Variants in TMC4 observed in about 807,000 individuals in gnomAD.
TMC4 encodes the protein transmembrane channel like 4, also known as voltage-gated chloride channel TMC4.
Under a neutral mutation model 82.0 loss-of-function variants are expected in TMC4, and 70 were observed. The observed-to-expected ratio is 0.85, with a 90% CI of 0.70 to 1.04. The LOEUF (loss-of-function observed/expected upper bound fraction) is 1.04. Among genes scored for constraint, TMC4 ranks in the 50% least tolerant of loss-of-function variants. The pLI is 0.00. For synonymous variants in TMC4, 446 were observed against 406.0 expected (o/e 1.10, Z -1.18); for missense variants, 879 against 899.0 (o/e 0.98, Z 0.28).
intron 11 of TMC4, 67 bp downstream of exon 11, chr19:54,162,035 C>T: frequency 7.0e-7 from 1 of 1,423,120 alleles, no homozygotes; most frequent in South Asian, 1.3e-5. Context: ...TCTTCCTTGC[C>T]CTTGACCCAG....
At chr19:54,169,430 A>C in intron 3 of TMC4, 82 bp downstream of exon 3, 1 of 1,483,858 alleles carries the variant, frequency 6.7e-7, no homozygotes. Flanking sequence ...CCTCAAACCC[A>C]GGAGTCCGTC....
chr19:54,168,417 C>CG (rs758113699), intron 4 of TMC4, 31 bp downstream of exon 4: 18 of 1,523,082 alleles, frequency 1.2e-5, no homozygotes, highest in Non-Finnish European at 1.6e-5. Flanking sequence ...CACAGGTGGG[C>CG]GGGGAATCCC....
In TMC4 at chr19:54,169,598, G is replaced by A. The variant is rs976440874; in HGVS notation, c.356C>T (p.Ala119Val). 5.0e-6 allele frequency: 8 copies of A among 1,613,930 alleles called. No individual in the cohort carries two copies. In the East Asian group the frequency reaches 1.3e-4, roughly 27 times the overall value. Residue 119 changes from alanine to valine, a missense_variant, in exon 3 of 15, where the codon GCG becomes GTG. Coordinates refer to ENST00000619895, the MANE Select transcript of TMC4 (RefSeq NM_144686.4). Reference sequence around the variant, plus strand: ...CTCCTTGGACCTCCGAAGTAGCCGCGCCCATCGGTCCGTCTTAGTTCCAGA... The same window carrying A: ...CTCCTTGGACCTCCGAAGTAGCCGCACCCATCGGTCCGTCTTAGTTCCAGA... ...YGSGTKTDRWARLLRRSKEKT... is the reference protein window; with the variant it reads ...YGSGTKTDRWVRLLRRSKEKT...
At chr19:54,171,440 T>C (rs1198164282) in intron 2 of TMC4, among the ~76,000 whole-genome samples, 3 of 152,182 alleles carry the variant, frequency 2.0e-5, no homozygotes, top group Admixed American at 6.6e-5. Context: ...GCACCTGCAT[T>C]TTCATTGTTC....
chr19:54,170,074 C>G (rs2146920912), intron 2 of TMC4, among the ~76,000 whole-genome samples: 1 of 152,136 alleles, frequency 6.6e-6, no homozygotes. Flanking sequence ...GCATTCCAGC[C>G]TGGGTGACGG....
At chr19:54,169,684 T>C in intron 2 of TMC4, 24 bp from the exon 3 acceptor site, 2 of 1,611,176 alleles carry the variant, frequency 1.2e-6, no homozygotes, top group Non-Finnish European at 1.7e-6. Flanking sequence ...AGGCAGAAAA[T>C]GAGGGGTTTC....
Position 54,168,610 on chromosome 19 carries a change from G to A in TMC4, c.513C>T (p.Ala171=), listed in dbSNP as rs778713981. 1.5e-5 allele frequency: 24 copies of A among 1,596,350 alleles called. No individual in the cohort carries two copies. The African/African-American group carries it at 2.0e-4, about 13-fold the overall frequency. ...LRFLLLLNVL[A]SVLMACMTLL... The stretch of plus-strand genomic sequence containing the variant: ...GCGTCATGCAGGCCATGAGCACAGA[G>A]GCCAGCACGTTAAGAAGGAGCAGGA... Residue 171 remains alanine, a synonymous_variant, in exon 4 of 15, where the codon GCC becomes GCT. Transcript: ENST00000619895.
chr19:54,171,749 G>A, intron 2 of TMC4, 121 bp downstream of exon 2: 1 of 861,054 alleles, frequency 1.2e-6, no homozygotes, highest in Non-Finnish European at 1.7e-6. Context: ...GCTCTGAGCG[G>A]GGCAGAGAGA....
intron 9 of TMC4, 80 bp downstream of exon 9, chr19:54,162,953 A>G (rs1475786688): frequency 6.2e-7 from 1 of 1,606,752 alleles, no homozygotes; most frequent in Non-Finnish European, 8.5e-7. Flanking sequence ...CTCTCCGCCC[A>G]AACCAAGAGT....
Position 54,162,174 on chromosome 19 carries a change from C to G in TMC4, c.1614G>C (p.Val538=). The G allele has an allele frequency of 1.2e-6, 2 of 1,613,754 alleles. No homozygotes were observed. The highest frequency in any genetic ancestry group is 2.2e-5 in the East Asian group (1 of 44,858). Residue 538 remains valine, a synonymous_variant, in exon 11 of 15, where the codon GTG becomes GTC. Transcript: ENST00000619895. ...GLIYAQTVVW[V]GSFFCPLLPL... ...GCAGTAAAGGGCAGAAAAAACTCCC[C>G]ACCCAGACCACCGTCTGCGCGTAGA...
rs1555824614 is a variant in TMC4 at position 54,168,779 on chromosome 19, C to CT, written c.443-100dup. 5.6e-4 allele frequency: 194 copies of CT among 343,840 alleles called. 28 individuals carry two copies. Among genetic ancestry groups the CT allele is most frequent in the Middle Eastern group, 5.4e-3 (8 of 1,480 alleles). 21.3% of individuals were successfully genotyped at this position (343,840 alleles called of 1,614,324 possible). ...GGTCCAGCCGCGCCTTCCTTTCTTTCTTTCTTTTCTTTTCTTTCTTTTCTT... is the reference window on the plus strand; with the variant it reads ...GGTCCAGCCGCGCCTTCCTTTCTTTCTTTTCTTTTCTTTTCTTTCTTTTCTT... On this transcript the variant is annotated intron_variant, in intron 3 of 14. Coordinates refer to ENST00000619895, the MANE Select transcript of TMC4 (RefSeq NM_144686.4).
chr19:54,173,009 T>C, intron 1 of TMC4, 30 bp downstream of exon 1: 1 of 1,597,286 alleles, frequency 6.3e-7, no homozygotes, highest in Non-Finnish European at 8.5e-7. Context: ...GAAGGTCGGA[T>C]GGATCTGAGC....
chr19:54,161,340 G>C, intron 11 of TMC4, 80 bp from the exon 12 acceptor site: 1 of 1,131,142 alleles, frequency 8.8e-7, no homozygotes, highest in Non-Finnish European at 1.2e-6. Context: ...TTTTTTTTGA[G>C]ACAGAGTCTC....
Position 54,164,490 on chromosome 19 carries a change from G to A in TMC4, c.1057C>T (p.Leu353=), listed in dbSNP as rs2075650956. The A allele has an allele frequency of 6.2e-7, 1 of 1,613,858 alleles. No homozygotes were observed. Among genetic ancestry groups the A allele is most frequent in the Non-Finnish European group, 8.5e-7 (1 of 1,179,998 alleles). Residue 353 remains leucine, a synonymous_variant, in exon 7 of 15, where the codon CTG becomes TTG. Transcript: ENST00000619895. ...VLLNLLVVAL[L]GAAFYGVYWA... ...TAGACGCCATAGAAGGCTGCCCCCAGGAGCGCGACCACCAGCAGGTTGAGC... is the reference window on the plus strand; with the variant it reads ...TAGACGCCATAGAAGGCTGCCCCCAAGAGCGCGACCACCAGCAGGTTGAGC...
rs201942258 is a variant in TMC4, at chr19:54,163,023, C to T, written c.1404+10G>A. 700 of 1,614,032 alleles carry T rather than the reference C, an allele frequency of 4.3e-4. No homozygotes were observed. Among genetic ancestry groups the T allele is most frequent in the Non-Finnish European group, 4.8e-4 (561 of 1,180,028 alleles). Reference sequence around the variant, plus strand: ...CCCAAGAGTCCCACGCACACCCATGCCGTTCTCACCGGAAGTTGTTTGTAA... The same window carrying T: ...CCCAAGAGTCCCACGCACACCCATGTCGTTCTCACCGGAAGTTGTTTGTAA... On this transcript the variant is annotated intron_variant, in intron 9 of 14. Coordinates refer to ENST00000619895, the MANE Select transcript of TMC4 (RefSeq NM_144686.4).
At chr19:54,166,209 T>C (rs916056903) in intron 5 of TMC4, among the ~76,000 whole-genome samples, 2 of 150,412 alleles carry the variant, frequency 1.3e-5, no homozygotes, top group South Asian at 2.1e-4. Context: ...TGAAACCCCG[T>C]CTCTACTAAA....
intron 3 of TMC4, among the ~76,000 whole-genome samples, chr19:54,169,261 T>C (rs2075824027): frequency 6.6e-6 from 1 of 151,410 alleles, no homozygotes; most frequent in Admixed American, 6.6e-5. Flanking sequence ...TCTCGAATTC[T>C]TGACCTCAGG....
At position 54,163,907 on chromosome 19, in the gene TMC4, T is replaced by C. The variant is rs1234229743; in HGVS notation, c.1114-20A>G. On this transcript the variant is annotated intron_variant, in intron 7 of 14. Coordinates refer to ENST00000619895, the MANE Select transcript of TMC4 (RefSeq NM_144686.4). ...CATCTCCTGGGAGCGGGATGGACCATGAGTAGAGGCTTGGGGTCCTGGAGG... is the reference window on the plus strand; with the variant it reads ...CATCTCCTGGGAGCGGGATGGACCACGAGTAGAGGCTTGGGGTCCTGGAGG... 1 of 1,612,988 alleles carries C rather than the reference T, an allele frequency of 6.2e-7. No homozygotes were observed. The highest frequency in any genetic ancestry group is 2.2e-5 in the East Asian group (1 of 44,830).
intron 8 of TMC4, among the ~76,000 whole-genome samples, chr19:54,163,440 A>G (rs2075620396): frequency 6.6e-6 from 1 of 151,150 alleles, no homozygotes; most frequent in Non-Finnish European, 1.5e-5. Context: ...CCTCCCGAGT[A>G]GCTGGGACTA....
Sources: gnomAD v4.1 joint callset for allele counts (sites outside exome capture counted in the v4.1 genomes callset) on GRCh38, gnomAD v4.1.1 for gene constraint, MANE v1.5 for transcripts, NCBI Gene and HGNC (gene_info 2026-07-23, HGNC 2026-07-21) for gene names.